GPC5: variants seen among roughly 807,000 people sequenced by gnomAD.
The protein encoded by GPC5 is glypican-5.
GPC5 carries 47 observed loss-of-function variants against 53.9 expected under a neutral mutation model. The ratio of observed to expected loss-of-function variants is 0.87; its 90% CI spans 0.69 to 1.11. GPC5 has a LOEUF of 1.11. Among genes scored for constraint, GPC5 ranks in the 50% most tolerant of loss-of-function variants. The pLI, the probability that GPC5 is intolerant of heterozygous loss-of-function variation, is 0.00. For missense variants in GPC5, 748 were observed against 713.1 expected (o/e 1.05, Z -0.56); for synonymous variants, 286 against 263.3 (o/e 1.09, Z -0.84).
intron 7 of GPC5, among the ~76,000 whole-genome samples, chr13:92,862,726 T>C (rs1408407011): frequency 6.6e-6 from 1 of 152,150 alleles, no homozygotes; most frequent in East Asian, 1.9e-4. Flanking sequence ...ATATTCACTC[T>C]CCAGCACAAT....
At chr13:92,650,621 G>A (rs1296948115) in intron 7 of GPC5, among the ~76,000 whole-genome samples, 2 of 152,046 alleles carry the variant, frequency 1.3e-5, no homozygotes, top group East Asian at 1.9e-4. Context: ...TGCTTGAATA[G>A]TTTAAGACCT....
chr13:92,121,459 G>A (rs1159521754), intron 6 of GPC5, among the ~76,000 whole-genome samples: 3 of 152,152 alleles, frequency 2.0e-5, no homozygotes, highest in South Asian at 2.1e-4. Flanking sequence ...GGACAAATCC[G>A]TGCTGTTCTC....
chr13:91,550,490 T>C (rs1228577903), intron 2 of GPC5, among the ~76,000 whole-genome samples: 1 of 152,122 alleles, frequency 6.6e-6, no homozygotes, highest in Non-Finnish European at 1.5e-5. Flanking sequence ...TTGTAATTTT[T>C]GCTAAATTTT....
At position 91,946,564 on chromosome 13, in the gene GPC5, C is replaced by A. The variant is rs997513819; in HGVS notation, c.1401+38507C>A. ...AAGCTTTCTTTTTTGGTAATCAATTCTGTATTTTCTGTAATATAAATTTAC... is the reference window on the plus strand; with the variant it reads ...AAGCTTTCTTTTTTGGTAATCAATTATGTATTTTCTGTAATATAAATTTAC... On this transcript the variant is annotated intron_variant, in intron 6 of 7. Coordinates refer to ENST00000377067, the MANE Select transcript of GPC5 (RefSeq NM_004466.6). 3.7e-4 allele frequency among the ~76,000 whole-genome samples: 57 copies of A among 152,218 alleles called. 1 individual carries two copies. Among genetic ancestry groups the A allele is most frequent in the African/African-American group, 1.3e-3 (53 of 41,534 alleles).
chr13:92,411,608 G>A (rs1876046184), intron 7 of GPC5, among the ~76,000 whole-genome samples: 1 of 152,158 alleles, frequency 6.6e-6, no homozygotes, highest in Admixed American at 6.5e-5. Context: ...ACGTTGCAAT[G>A]TGTGTGTTTT....
chr13:91,680,514 G>A (rs376683871), intron 2 of GPC5, among the ~76,000 whole-genome samples: 1 of 152,142 alleles, frequency 6.6e-6, no homozygotes, highest in African/African-American at 2.4e-5. Context: ...CATAACTTAT[G>A]AACTAACATG....
chr13:91,619,450 T>C (rs1402782479), intron 2 of GPC5, among the ~76,000 whole-genome samples: 1 of 152,144 alleles, frequency 6.6e-6, no homozygotes, highest in East Asian at 1.9e-4. Context: ...TTCAACTCTA[T>C]GCACATTATA....
chr13:91,539,051 A>G (rs556806615), intron 2 of GPC5, among the ~76,000 whole-genome samples: 2 of 152,258 alleles, frequency 1.3e-5, no homozygotes, highest in East Asian at 3.9e-4. Context: ...AGTCTCTTGC[A>G]TTTTTTATTT....
At chr13:91,909,666 A>G (rs1169274142) in intron 6 of GPC5, among the ~76,000 whole-genome samples, 2 of 152,166 alleles carry the variant, frequency 1.3e-5, no homozygotes, top group Non-Finnish European at 2.9e-5. Flanking sequence ...CAGAACGGAA[A>G]CCCTATTACA....
At chr13:91,689,254 A>T (rs902163402) in intron 2 of GPC5, among the ~76,000 whole-genome samples, 2 of 134,788 alleles carry the variant, frequency 1.5e-5, no homozygotes, top group African/African-American at 2.7e-5. Flanking sequence ...TATGGTATAA[A>T]TTTTTTTTAA....
chr13:92,176,539 G>GA lies in GPC5; in HGVS notation c.1561+31558dup, dbSNP rs1350444605. On this transcript the variant is annotated intron_variant, in intron 7 of 7. Transcript: ENST00000377067. ...AACAACCAATAGCTAATGCTCATTT[G>GA]AAAAAAAATAAATGAAGGGTTTGAC... Among the ~76,000 whole-genome samples, 10 of 151,956 alleles carry GA rather than the reference G, an allele frequency of 6.6e-5. No individual in the cohort carries two copies. In the South Asian group the frequency reaches 1.2e-3, roughly 19 times the overall value.
intron 2 of GPC5, among the ~76,000 whole-genome samples, chr13:91,452,606 A>G (rs546224748): frequency 1.3e-5 from 2 of 152,232 alleles, no homozygotes; most frequent in South Asian, 4.1e-4. Flanking sequence ...AATATTTGTT[A>G]TAAATATTTT....
chr13:91,543,992 T>C lies in GPC5; in HGVS notation c.325+95070T>C, dbSNP rs368401644. 3.9e-5 allele frequency among the ~76,000 whole-genome samples: 6 copies of C among 152,272 alleles called. No homozygotes were observed. The East Asian group carries it at 7.7e-4, about 20-fold the overall frequency. On this transcript the variant is annotated intron_variant, in intron 2 of 7. Transcript: ENST00000377067. Reference sequence around the variant, plus strand: ...TTCATCACTTAATATAAACTTGCTGTATATTTGAAATTTTCCTGCCTGAAT... The same window carrying C: ...TTCATCACTTAATATAAACTTGCTGCATATTTGAAATTTTCCTGCCTGAAT...
At position 91,444,975 on chromosome 13, in the gene GPC5, C is replaced by T. The variant is rs1010250114; in HGVS notation, c.164-3786C>T. Among the ~76,000 whole-genome samples, 66 of 152,146 alleles carry T rather than the reference C, an allele frequency of 4.3e-4. 3 individuals are homozygous for T. The highest frequency in any genetic ancestry group is 2.1e-4 in the South Asian group (1 of 4,824). On this transcript the variant is annotated intron_variant, in intron 1 of 7. Transcript: ENST00000377067. ...CAGAACATGTTTCTGTTCATGTCTT[C>T]CACCCACAAATTGAATGCCTTTTCC...
intron 1 of GPC5, among the ~76,000 whole-genome samples, chr13:91,424,319 G>A (rs1446553361): frequency 4.0e-5 from 6 of 151,148 alleles, no homozygotes; most frequent in African/African-American, 7.3e-5. Flanking sequence ...TGGTGGTGGT[G>A]GGGCGGGGTT....
At chr13:92,442,471 C>A (rs1877614141) in intron 7 of GPC5, among the ~76,000 whole-genome samples, 1 of 152,066 alleles carries the variant, frequency 6.6e-6, no homozygotes. Context: ...CCATAATATT[C>A]AGAAGATTAC....
At chr13:92,509,397 T>G (rs1417360259) in intron 7 of GPC5, 1 of 152,226 alleles carries the variant, frequency 6.6e-6, no homozygotes, top group Non-Finnish European at 1.5e-5. Flanking sequence ...CTCTCTGCTA[T>G]TGTCTCATTA....
chr13:91,503,815 A>ATAATAATAT (rs1224915467), intron 2 of GPC5, among the ~76,000 whole-genome samples: 3 of 147,496 alleles, frequency 2.0e-5, no homozygotes, highest in Non-Finnish European at 4.5e-5. Flanking sequence ...AATAATAATA[A>ATAATAATAT]TAATCAGGCT....
chr13:91,503,540 G>A (rs1055926615), intron 2 of GPC5, among the ~76,000 whole-genome samples: 2 of 151,732 alleles, frequency 1.3e-5, no homozygotes, highest in Admixed American at 1.3e-4. Flanking sequence ...CTAGCATTTC[G>A]GGAGGCTGAG....
Sources: allele counts gnomAD v4.1 joint callset (sites outside exome capture counted in the v4.1 genomes callset), GRCh38; gene constraint gnomAD v4.1.1; transcripts MANE v1.5; gene names NCBI Gene and HGNC (gene_info 2026-07-23, HGNC 2026-07-21).